PLXNA4: variants seen among roughly 807,000 people sequenced by gnomAD.
PLXNA4 encodes plexin-A4.
A neutral mutation model predicts 191.8 loss-of-function variants in PLXNA4; 44 were observed. The ratio of observed to expected loss-of-function variants is 0.23; its 90% CI spans 0.18 to 0.29. The LOEUF is 0.29. Ranked by LOEUF, PLXNA4 falls within the 10% of genes least tolerant of loss-of-function variation. The pLI is 1.00. For missense variants in PLXNA4, 1,800 were observed against 2,488.8 expected, an observed-to-expected ratio of 0.72 and a Z score of 5.89; for synonymous variants, 1,082 against 1,009.5, an observed-to-expected ratio of 1.07 and a Z score of -1.36.
chr7:132,580,456 G>T (rs1802381485), upstream of PLXNA4, among the ~76,000 whole-genome samples: 1 of 152,134 alleles, frequency 6.6e-6, no homozygotes, highest in Non-Finnish European at 1.5e-5. Flanking sequence ...CTCTTGCCTG[G>T]TCGTGAAACT....
At chr7:132,584,522 A>G (rs1482564676) in intron 2 of PLXNA4, among the ~76,000 whole-genome samples, 1 of 152,224 alleles carries the variant, frequency 6.6e-6, no homozygotes, top group Non-Finnish European at 1.5e-5. Context: ...CCATACATCC[A>G]TACCACAGAA....
At chr7:132,424,900 G>T (rs546170003) in intron 3 of PLXNA4, among the ~76,000 whole-genome samples, 1 of 152,190 alleles carries the variant, frequency 6.6e-6, no homozygotes, top group Admixed American at 6.5e-5. Flanking sequence ...TGCCCTCCAC[G>T]CATCGTCCAG....
Position 132,508,767 on chromosome 7 carries a change from G to T in PLXNA4, c.-74C>A. ...CCTCAGAGGGCCAGGACTCAGCAAT[G>T]CAGTCTCCCCTACTGGAGAAAGGGA... On this transcript the variant is annotated 5_prime_UTR_variant, in exon 2 of 32. Transcript: ENST00000321063. This position sits in a 1 kb window ranked among gnomAD's most constrained non-coding sequence, Gnocchi z 4.4. 1 of 1,440,156 alleles carries T rather than the reference G, an allele frequency of 6.9e-7. No individual in the cohort carries two copies. The highest frequency in any genetic ancestry group is 9.1e-7 in the Non-Finnish European group (1 of 1,101,350). The allele number at this position is 1,440,156 out of a possible 1,614,324, so 89.2% of individuals were successfully genotyped here.
chr7:132,343,864 C>T (rs1309199527), intron 3 of PLXNA4, among the ~76,000 whole-genome samples: 1 of 152,184 alleles, frequency 6.6e-6, no homozygotes, highest in East Asian at 1.9e-4. Context: ...TTTCAGTGAG[C>T]TGAGATCATG....
intron 4 of PLXNA4, among the ~76,000 whole-genome samples, chr7:132,246,727 A>C (rs76148811): frequency 0.02 from 3,089 of 152,162 alleles, 229 homozygotes; most frequent in Admixed American, 0.13. Flanking sequence ...GTCTGGTTTT[A>C]AATGATTGTA....
chr7:132,379,624 T>G (rs760158944), intron 3 of PLXNA4, among the ~76,000 whole-genome samples: 3 of 152,298 alleles, frequency 2.0e-5, no homozygotes, highest in Non-Finnish European at 2.9e-5. Flanking sequence ...TTGATTATAA[T>G]GTACTCTGAG....
At chr7:132,492,683 A>C (rs1797853727) in intron 2 of PLXNA4, among the ~76,000 whole-genome samples, 1 of 151,838 alleles carries the variant, frequency 6.6e-6, no homozygotes, top group Non-Finnish European at 1.5e-5. Flanking sequence ...TTAAGATTGA[A>C]ACAGTGGAAA....
intron 22 of PLXNA4, 108 bp from the exon 23 acceptor site, chr7:132,165,308 T>C: frequency 1.4e-6 from 2 of 1,451,946 alleles, no homozygotes; most frequent in Non-Finnish European, 1.8e-6. Flanking sequence ...TTGATCTTGC[T>C]GCTTCTAGCG....
At chr7:132,511,236 A>G (rs1798702360) in intron 1 of PLXNA4, among the ~76,000 whole-genome samples, 1 of 152,208 alleles carries the variant, frequency 6.6e-6, no homozygotes, top group African/African-American at 2.4e-5. Context: ...ACTTTCACAT[A>G]GCTTGGCTCA....
intron 1 of PLXNA4, among the ~76,000 whole-genome samples, chr7:132,561,372 C>T (rs1479413435): frequency 1.4e-5 from 2 of 138,888 alleles, no homozygotes; most frequent in African/African-American, 3.0e-5. Context: ...CCTTCTTGTC[C>T]TCCTCCTCCT....
chr7:132,312,868 T>A (rs1207477243), intron 3 of PLXNA4, among the ~76,000 whole-genome samples: 2 of 152,194 alleles, frequency 1.3e-5, no homozygotes, highest in African/African-American at 4.8e-5. Flanking sequence ...AAACTACAGT[T>A]AGCACTTATT....
At chr7:132,374,013 T>G (rs1404874369) in intron 3 of PLXNA4, among the ~76,000 whole-genome samples, 1 of 152,182 alleles carries the variant, frequency 6.6e-6, no homozygotes, top group East Asian at 1.9e-4. Flanking sequence ...TGGGATTGAT[T>G]GCAGAGCTGC....
At chr7:132,566,381 T>A (rs1315606700) in intron 1 of PLXNA4, among the ~76,000 whole-genome samples, 1 of 152,162 alleles carries the variant, frequency 6.6e-6, no homozygotes, top group East Asian at 1.9e-4. Context: ...GGGAAATGCC[T>A]AACTTCACTC....
Position 132,507,982 on chromosome 7 carries a change from G to A in PLXNA4, c.712C>T (p.Pro238Ser). The A allele has an allele frequency of 1.9e-6, 3 of 1,614,158 alleles. No individual in the cohort carries two copies. The highest frequency in any genetic ancestry group is 2.5e-6 in the Non-Finnish European group (3 of 1,180,034). ...TAGACATAGTAGATATCAAAGTCAG[G>A]GATGATGGTGAAGGTGTCCGAAGGG... ...KIPSDTFTIIPDFDIYYVYGF... is the reference protein window; with the variant it reads ...KIPSDTFTIISDFDIYYVYGF... The change falls in exon 2 of 32, where the codon CCT (proline) becomes TCT (serine). Residue 238 changes from proline (P) to serine (S), a missense_variant. Pro to Ser is a moderately conservative substitution (Grantham distance 74). Around this residue, in one of 6 missense-constraint regions of PLXNA4, gnomAD observed 1,397 missense variants for 1,880.4 expected, o/e 0.74. Transcript: ENST00000321063.
chr7:132,389,116 GT>G (rs988527187), intron 3 of PLXNA4, among the ~76,000 whole-genome samples: 2 of 151,924 alleles, frequency 1.3e-5, no homozygotes, highest in African/African-American at 2.4e-5. Flanking sequence ...TGATTGGGTT[GT>G]TTTTTTTCTT....
chr7:132,368,014 A>T (rs1191716154), intron 3 of PLXNA4: 1 of 152,156 alleles, frequency 6.6e-6, no homozygotes, highest in Non-Finnish European at 1.5e-5. Context: ...TCCAGGCCTG[A>T]CGGAGGGCAG....
At chr7:132,244,961 C>A (rs1336062646) in intron 4 of PLXNA4, among the ~76,000 whole-genome samples, 2 of 152,178 alleles carry the variant, frequency 1.3e-5, no homozygotes, top group South Asian at 2.1e-4. Context: ...CTCTATGATT[C>A]TCTTTCCCCA....
chr7:132,569,824 C>A (rs952008962), intron 1 of PLXNA4, among the ~76,000 whole-genome samples: 4 of 152,166 alleles, frequency 2.6e-5, no homozygotes, highest in Admixed American at 6.5e-5. Context: ...AATGCTGAGG[C>A]CAGAGGTGGA....
intron 2 of PLXNA4, among the ~76,000 whole-genome samples, chr7:132,611,687 G>A (rs1199793241): frequency 6.6e-6 from 1 of 152,186 alleles, no homozygotes; most frequent in Non-Finnish European, 1.5e-5. Context: ...ATCTAAGGCT[G>A]ACAATTTAGC....
Sources: allele counts gnomAD v4.1 joint callset (sites outside exome capture counted in the v4.1 genomes callset), GRCh38; gene constraint gnomAD v4.1.1; regional missense constraint gnomAD v4.1.1; non-coding constraint Gnocchi (gnomAD v3.1); transcripts MANE v1.5; gene names NCBI Gene and HGNC (gene_info 2026-07-23, HGNC 2026-07-21).